Variants in CTNNA3 observed in about 807,000 individuals in gnomAD.
CTNNA3 encodes the protein catenin alpha 3.
In CTNNA3, 76 loss-of-function variants were observed where a neutral mutation model predicts 95.7. The observed-to-expected ratio is 0.79, with a 90% CI of 0.66 to 0.96. The LOEUF (loss-of-function observed/expected upper bound fraction) is 0.96, where lower values mean the gene tolerates loss of function less well. CTNNA3 is among the 40% of genes least tolerant of loss of function. The pLI, the probability that CTNNA3 is intolerant of heterozygous loss-of-function variation, is 0.00. For synonymous variants in CTNNA3, 431 were observed against 374.4 expected (o/e 1.15, Z -1.74); for missense variants, 1,191 against 1,089.8 (o/e 1.09, Z -1.31).
intron 9 of CTNNA3, among the ~76,000 whole-genome samples, chr10:66,688,639 G>C (rs1243126379): frequency 6.6e-6 from 1 of 151,984 alleles, no homozygotes; most frequent in Non-Finnish European, 1.5e-5. Flanking sequence ...TTTATTGTTT[G>C]ACTTTACTAA....
At chr10:66,454,906 T>C (rs1184198864) in intron 11 of CTNNA3, among the ~76,000 whole-genome samples, 1 of 151,946 alleles carries the variant, frequency 6.6e-6, no homozygotes, top group East Asian at 1.9e-4. Flanking sequence ...TATATTAGCA[T>C]GTGTGTATGT....
At chr10:67,638,083 G>A (rs1253387434) in intron 2 of CTNNA3, among the ~76,000 whole-genome samples, 46 of 152,136 alleles carry the variant, frequency 3.0e-4, no homozygotes, top group Non-Finnish European at 5.9e-5. Flanking sequence ...TGGATAAAGA[G>A]TCAAGACCCA....
chr10:66,815,420 C>T (rs1842037914), intron 7 of CTNNA3, among the ~76,000 whole-genome samples: 1 of 152,158 alleles, frequency 6.6e-6, no homozygotes, highest in South Asian at 2.1e-4. Flanking sequence ...AAGGATGGGG[C>T]TAAAGTTCCC....
chr10:66,023,493 C>G (rs1589260767), intron 15 of CTNNA3, among the ~76,000 whole-genome samples: 1 of 152,022 alleles, frequency 6.6e-6, no homozygotes, highest in African/African-American at 2.4e-5. Flanking sequence ...CACCTGGTCT[C>G]TCTATTTCCA....
At chr10:65,947,871 T>G (rs2077542412) in intron 17 of CTNNA3, among the ~76,000 whole-genome samples, 1 of 152,216 alleles carries the variant, frequency 6.6e-6, no homozygotes, top group African/African-American at 2.4e-5. Context: ...TATACATAAT[T>G]TATCTCTGTG....
chr10:66,316,408 A>G (rs1465139463), intron 12 of CTNNA3, among the ~76,000 whole-genome samples: 1 of 152,030 alleles, frequency 6.6e-6, no homozygotes, highest in Non-Finnish European at 1.5e-5. Context: ...TTACAGTAAT[A>G]TATATTAATT....
At chr10:67,721,512 C>A (rs1378988322) in intron 1 of CTNNA3, among the ~76,000 whole-genome samples, 1 of 152,088 alleles carries the variant, frequency 6.6e-6, no homozygotes, top group African/African-American at 2.4e-5. Flanking sequence ...TCCATCAGGT[C>A]ATTTATGTTC....
At chr10:67,179,406 T>C (rs1003437821) in intron 7 of CTNNA3, among the ~76,000 whole-genome samples, 3 of 148,830 alleles carry the variant, frequency 2.0e-5, no homozygotes, top group Non-Finnish European at 3.0e-5. Flanking sequence ...CATATATATG[T>C]ATAAATACAG....
At chr10:66,567,215 C>A (rs1333397147) in intron 10 of CTNNA3, among the ~76,000 whole-genome samples, 1 of 152,014 alleles carries the variant, frequency 6.6e-6, no homozygotes, top group East Asian at 1.9e-4. Context: ...TTAGACTAAT[C>A]AGTGGAAGGT....
intron 10 of CTNNA3, among the ~76,000 whole-genome samples, chr10:66,618,680 C>A (rs1844623205): frequency 6.6e-6 from 1 of 152,070 alleles, no homozygotes; most frequent in African/African-American, 2.4e-5. Flanking sequence ...ACACCTAAAG[C>A]AATGGCAACA....
chr10:66,270,645 G>C (rs1024122159), intron 13 of CTNNA3, among the ~76,000 whole-genome samples: 1 of 152,184 alleles, frequency 6.6e-6, no homozygotes, highest in Non-Finnish European at 1.5e-5. Flanking sequence ...GCATAAAATT[G>C]AGCAAGAAGA....
At chr10:66,699,154 T>C (rs10822892) in intron 9 of CTNNA3, among the ~76,000 whole-genome samples, 27,144 of 152,136 alleles carry the variant, frequency 0.18, 3,072 homozygotes, top group East Asian at 0.33. Context: ...ATCTTGTATA[T>C]TGTGGCTAAG....
chr10:67,477,019 C>T (rs543139735), intron 5 of CTNNA3, among the ~76,000 whole-genome samples: 2 of 151,470 alleles, frequency 1.3e-5, no homozygotes, highest in South Asian at 4.2e-4. Flanking sequence ...TACCTCCAGG[C>T]AGTCAGAGCA....
Position 67,750,525 on chromosome 10 carries a change from C to G in CTNNA3, c.-2+12909G>C, listed in dbSNP as rs1841401294. The G allele has an allele frequency of 1.9e-6, 3 of 1,576,458 alleles. No individual in the cohort carries two copies. The Admixed American group carries it at 5.0e-5, about 26-fold the overall frequency. On this transcript the variant is annotated intron_variant, in intron 1 of 17. Transcript: ENST00000684154. The stretch of plus-strand genomic sequence containing the variant: ...CTCTTCATCATCAACAAGTTGTGGC[C>G]CACTTTCTTTGAGAGACCCCTTGTG...
At chr10:66,996,649 C>CAAAAAATAAAAA (rs1851364636) in intron 7 of CTNNA3, among the ~76,000 whole-genome samples, 1 of 67,644 alleles carries the variant, frequency 1.5e-5, no homozygotes, top group Non-Finnish European at 2.5e-5. Context: ...TCCGTCTCTA[C>CAAAAAATAAAAA]AAAAAAAAAA....
intron 5 of CTNNA3, among the ~76,000 whole-genome samples, chr10:67,437,909 C>T (rs991595561): frequency 2.0e-5 from 3 of 150,756 alleles, no homozygotes; most frequent in Non-Finnish European, 1.5e-5. Flanking sequence ...CAAATAATGG[C>T]TTGGAGGAAA....
chr10:66,210,553 C>T (rs1012889350), intron 13 of CTNNA3, among the ~76,000 whole-genome samples: 19 of 151,740 alleles, frequency 1.3e-4, no homozygotes, highest in Non-Finnish European at 2.4e-4. Flanking sequence ...TCTATTGTTT[C>T]GATAAGATTT....
chr10:66,746,584 A>G (rs1460558573), intron 9 of CTNNA3, among the ~76,000 whole-genome samples: 1 of 151,970 alleles, frequency 6.6e-6, no homozygotes, highest in Non-Finnish European at 1.5e-5. Flanking sequence ...CTTCACAACT[A>G]CTCTGTAAAG....
intron 1 of CTNNA3, among the ~76,000 whole-genome samples, chr10:67,694,725 T>C (rs114387982): frequency 0.013 from 1,937 of 152,134 alleles, 46 homozygotes; most frequent in African/African-American, 0.045. Context: ...ATTTTATCTA[T>C]ACTATTATTG....
Sources: allele counts gnomAD v4.1 joint callset (sites outside exome capture counted in the v4.1 genomes callset), GRCh38; gene constraint gnomAD v4.1.1; transcripts MANE v1.5; gene names NCBI Gene and HGNC (gene_info 2026-07-23, HGNC 2026-07-21).